LAPTM4B: variants seen among roughly 807,000 people sequenced by gnomAD.
LAPTM4B encodes lysosomal protein transmembrane 4 beta.
LAPTM4B carries 26 observed loss-of-function variants against 28.5 expected under a neutral mutation model. The observed-to-expected ratio is 0.91, with a 90% confidence interval of 0.67 to 1.27. The LOEUF (loss-of-function observed/expected upper bound fraction) is 1.27. LAPTM4B is among the 50% of genes most tolerant of loss of function. The probability of loss-of-function intolerance (pLI) is 0.00; values close to 1 mark genes in which losing one functional copy is unlikely to be tolerated. For missense variants in LAPTM4B, 288 were observed against 285.8 expected, an observed-to-expected ratio of 1.01 and a Z score of -0.06; for synonymous variants, 109 against 106.4, an observed-to-expected ratio of 1.02 and a Z score of -0.15.
intron 5 of LAPTM4B, among the ~76,000 whole-genome samples, chr8:97,819,726 CCTTTT>C (rs1816973227): frequency 9.5e-6 from 1 of 105,532 alleles, no homozygotes; most frequent in African/African-American, 3.6e-5. Context: ...AGATAAATTT[CCTTTT>C]TTTTTTTTTT....
At chr8:97,779,498 A>C (rs1816275784) in intron 1 of LAPTM4B, among the ~76,000 whole-genome samples, 1 of 151,846 alleles carries the variant, frequency 6.6e-6, no homozygotes, top group Admixed American at 6.6e-5. Flanking sequence ...AAGAAAAAAA[A>C]AGAGAAAGAG....
chr8:97,806,149 A>G (rs974347310), intron 2 of LAPTM4B, among the ~76,000 whole-genome samples: 1 of 152,202 alleles, frequency 6.6e-6, no homozygotes, highest in Admixed American at 6.5e-5. Flanking sequence ...GTGGCTCAAC[A>G]TGCAGTTTTA....
At chr8:97,823,556 G>A (rs897080992) in intron 5 of LAPTM4B, among the ~76,000 whole-genome samples, 5 of 151,314 alleles carry the variant, frequency 3.3e-5, no homozygotes, top group Non-Finnish European at 7.4e-5. Flanking sequence ...TGTATTTTTA[G>A]TGGAGACGGG....
chr8:97,816,316 C>CT (rs1194257373), intron 4 of LAPTM4B, 136 bp downstream of exon 4: 22,720 of 714,842 alleles, frequency 0.032, 196 homozygotes, highest in Non-Finnish European at 0.037. Context: ...TAGGAAATTT[C>CT]TTTTTTCTTT....
At chr8:97,807,164 G>A (rs944144455) in intron 2 of LAPTM4B, among the ~76,000 whole-genome samples, 4 of 152,158 alleles carry the variant, frequency 2.6e-5, no homozygotes, top group African/African-American at 9.7e-5. Context: ...TTCTGACACC[G>A]CCGTGTGTTG....
intron 1 of LAPTM4B, among the ~76,000 whole-genome samples, chr8:97,787,571 A>G (rs1475768169): frequency 6.6e-6 from 1 of 152,208 alleles, no homozygotes; most frequent in African/African-American, 2.4e-5. Context: ...GGCATGAACC[A>G]TTGTGCTTGG....
At chr8:97,793,359 A>C (rs992530784) in intron 1 of LAPTM4B, among the ~76,000 whole-genome samples, 3 of 152,208 alleles carry the variant, frequency 2.0e-5, no homozygotes, top group Non-Finnish European at 4.4e-5. Flanking sequence ...CTGTTCAGAA[A>C]AAAAAAGGTT....
intron 1 of LAPTM4B, among the ~76,000 whole-genome samples, chr8:97,783,884 CACGTAAT>C (rs1816362959): frequency 1.3e-5 from 2 of 152,318 alleles, no homozygotes; most frequent in South Asian, 2.1e-4. Context: ...TATGCGTGTG[CACGTAAT>C]ACATTTGTAT....
intron 6 of LAPTM4B, 99 bp from the exon 7 acceptor site, chr8:97,851,297 TG>T: frequency 1.1e-6 from 1 of 935,248 alleles, no homozygotes; most frequent in Non-Finnish European, 1.8e-6. Context: ...GTACAAGTTG[TG>T]GAACATGTTT....
intron 1 of LAPTM4B, among the ~76,000 whole-genome samples, chr8:97,776,580 C>A (rs1197490039): frequency 6.6e-6 from 1 of 152,340 alleles, no homozygotes; most frequent in Non-Finnish European, 1.5e-5. Flanking sequence ...TGTCAATGCT[C>A]GTTCTCCCTG....
At chr8:97,782,866 G>A (rs947346209) in intron 1 of LAPTM4B, among the ~76,000 whole-genome samples, 1 of 151,514 alleles carries the variant, frequency 6.6e-6, no homozygotes, top group African/African-American at 2.4e-5. Flanking sequence ...AAAGTAGCTG[G>A]GATTGCAGGC....
chr8:97,849,595 G>T (rs1044449253), intron 6 of LAPTM4B, among the ~76,000 whole-genome samples: 4 of 152,206 alleles, frequency 2.6e-5, no homozygotes, highest in African/African-American at 9.7e-5. Flanking sequence ...CCTCTTTCAG[G>T]AACAAAGGCC....
In LAPTM4B at chr8:97,851,410, C is replaced by G. The variant is rs774891124; in HGVS notation, c.617C>G (p.Pro206Arg). The part of the protein sequence containing the change: ...TSNDTTVLLP[P>R]YDDATVNGAA... ...CTTTCTTCTCAGGTGCTGCTACCCC[C>G]GTATGATGATGCCACTGTGAATGGT... is the stretch of plus-strand genomic sequence containing the variant. Residue 206 changes from proline (P) to arginine (R), a missense_variant, in exon 7 of 7, where the codon CCG (proline) becomes CGG (arginine). By Grantham distance (103) the Pro-to-Arg change is moderately radical. Transcript: ENST00000521545. The G allele has an allele frequency of 6.2e-6, 10 of 1,613,922 alleles. No homozygotes were observed. Among genetic ancestry groups the G allele is most frequent in the Non-Finnish European group, 8.5e-6 (10 of 1,179,914 alleles).
In LAPTM4B at chr8:97,793,353, TC is replaced by T. The variant is rs1316438899; in HGVS notation, c.100-11999del. ...TCTTTTTTTTAAACCATTTTTCTGT[TC>T]AGAAAAAAAAAGGTTTAGCTCGCCC... On this transcript the variant is annotated intron_variant, in intron 1 of 6. Coordinates refer to ENST00000521545, the MANE Select transcript of LAPTM4B (RefSeq NM_018407.6). Among the ~76,000 whole-genome samples the T allele has an allele frequency of 4.6e-5, 7 of 152,140 alleles. No homozygotes were observed. In the East Asian group the frequency reaches 1.4e-3, roughly 29 times the overall value.
At chr8:97,849,951 C>T (rs113053557) in intron 6 of LAPTM4B, among the ~76,000 whole-genome samples, 6 of 152,034 alleles carry the variant, frequency 3.9e-5, no homozygotes, top group East Asian at 3.9e-4. Context: ...CCGTGGCTCC[C>T]GGGAACGGCT....
Position 97,816,065 on chromosome 8 carries a change from C to A in LAPTM4B, c.293C>A (p.Ala98Glu). Reference sequence around the variant, plus strand: ...ATTTTCTGTTCTGTTTAGCAACGCGCAGCCTGGATCATCCCATTCTTCTGT... The same window carrying A: ...ATTTTCTGTTCTGTTTAGCAACGCGAAGCCTGGATCATCCCATTCTTCTGT... ...MATYGAYKQR[A>E]AWIIPFFCYQ... The change falls in exon 4 of 7, where the codon GCA becomes GAA. Residue 98 changes from alanine (A) to glutamate (E), a missense_variant. Physicochemically the swap from Ala to Glu is moderately radical, Grantham distance 107 (BLOSUM62 -1). Coordinates refer to ENST00000521545, the MANE Select transcript of LAPTM4B (RefSeq NM_018407.6). The A allele has an allele frequency of 6.2e-7, 1 of 1,610,700 alleles. No homozygotes were observed. Among genetic ancestry groups the A allele is most frequent in the South Asian group, 1.1e-5 (1 of 90,128 alleles).
In LAPTM4B at chr8:97,784,165, G is replaced by A. The variant is rs547185918; in HGVS notation, c.99+8057G>A. ...AGACCTCAAAGCAACCCTGGGTCAC[G>A]CATGATAGGTGGTGATATGTTCTTT... On this transcript the variant is annotated intron_variant, in intron 1 of 6. Coordinates refer to ENST00000521545, the MANE Select transcript of LAPTM4B (RefSeq NM_018407.6). 2.0e-3 allele frequency among the ~76,000 whole-genome samples: 297 copies of A among 152,220 alleles called. 1 individual carries two copies. The highest frequency in any genetic ancestry group is 5.8e-3 in the African/African-American group (239 of 41,546).
At chr8:97,780,368 T>G (rs1269822993) in intron 1 of LAPTM4B, among the ~76,000 whole-genome samples, 1 of 152,076 alleles carries the variant, frequency 6.6e-6, no homozygotes, top group Non-Finnish European at 1.5e-5. Flanking sequence ...GAGGTTGCAG[T>G]GAGCTGAGAT....
At chr8:97,777,734 A>G (rs1481553450) in intron 1 of LAPTM4B, among the ~76,000 whole-genome samples, 1 of 152,216 alleles carries the variant, frequency 6.6e-6, no homozygotes, top group Non-Finnish European at 1.5e-5. Flanking sequence ...CAGTGTAAAT[A>G]CAGATGGAAC....
Sources: allele counts gnomAD v4.1 joint callset (sites outside exome capture counted in the v4.1 genomes callset), GRCh38; gene constraint gnomAD v4.1.1; transcripts MANE v1.5; gene names NCBI Gene and HGNC (gene_info 2026-07-23, HGNC 2026-07-21).